RAPGEF4: variants seen among roughly 807,000 people sequenced by gnomAD.
The protein encoded by RAPGEF4 is RAP guanine-nucleotide-exchange factor (GEF) 4.
In RAPGEF4, 66 loss-of-function variants were observed where a neutral mutation model predicts 147.9. The ratio of observed to expected loss-of-function variants is 0.45; its 90% CI spans 0.37 to 0.55. The LOEUF (loss-of-function observed/expected upper bound fraction) is 0.55. Among genes scored for constraint, RAPGEF4 ranks in the 20% least tolerant of loss-of-function variants. RAPGEF4 has a pLI of 0.00. For missense variants in RAPGEF4, 1,071 were observed against 1,257.3 expected, an observed-to-expected ratio of 0.85 and a Z score of 2.24; for synonymous variants, 419 against 442.7, an observed-to-expected ratio of 0.95 and a Z score of 0.67.
chr2:172,792,673 G>A (rs1357551669), intron 1 of RAPGEF4, among the ~76,000 whole-genome samples: 2 of 152,170 alleles, frequency 1.3e-5, no homozygotes, highest in Non-Finnish European at 1.5e-5. Context: ...TGTATCTTAG[G>A]TCTTCCACTT....
chr2:172,783,832 A>G (rs1255467643), intron 1 of RAPGEF4, among the ~76,000 whole-genome samples: 9 of 151,578 alleles, frequency 5.9e-5, no homozygotes, highest in Non-Finnish European at 5.9e-5. Context: ...TCACAGGGAG[A>G]GGAGTTAGGA....
chr2:172,902,603 G>A (rs1162730378), intron 4 of RAPGEF4, among the ~76,000 whole-genome samples: 1 of 152,082 alleles, frequency 6.6e-6, no homozygotes, highest in East Asian at 1.9e-4. Flanking sequence ...CAAACATGTG[G>A]CACCCTAATA....
In RAPGEF4 at chr2:173,020,602, C is replaced by T; in HGVS notation, c.2156-16C>T. 6.2e-7 allele frequency: 1 copy of T among 1,602,222 alleles called. No individual in the cohort carries two copies. Reference sequence around the variant, plus strand: ...GATGTATTTAATAGGCAATCTCATGCTTTTTATGTTCACAGAAAAGGTGGT... The same window carrying T: ...GATGTATTTAATAGGCAATCTCATGTTTTTTATGTTCACAGAAAAGGTGGT... On this transcript the variant is annotated splice_polypyrimidine_tract_variant and intron_variant, in intron 22 of 30. Coordinates refer to ENST00000397081, the MANE Select transcript of RAPGEF4 (RefSeq NM_007023.4).
chr2:172,959,499 G>A (rs1006150375), intron 6 of RAPGEF4, among the ~76,000 whole-genome samples: 1 of 152,168 alleles, frequency 6.6e-6, no homozygotes, highest in African/African-American at 2.4e-5. Context: ...GAAGGTTCTA[G>A]GGATGAGGAC....
chr2:173,018,754 C>G lies in RAPGEF4; in HGVS notation c.2107C>G (p.Leu703Val). ...AGTCATCAGTGCAGTTGCCGACAAG[C>G]TGGGCTCCGGGGAGGGCCTGATCAT... is the stretch of plus-strand genomic sequence containing the variant. ...KEVISAVADK[L>V]GSGEGLIIVK... Residue 703 changes from leucine (L) to valine (V), a missense_variant, in exon 22 of 31, where the codon CTG becomes GTG. Coordinates refer to ENST00000397081, the MANE Select transcript of RAPGEF4 (RefSeq NM_007023.4). 6.2e-7 allele frequency: 1 copy of G among 1,614,070 alleles called. No individual in the cohort carries two copies.
At chr2:172,887,655 C>T (rs2149886716) in intron 4 of RAPGEF4, among the ~76,000 whole-genome samples, 1 of 152,348 alleles carries the variant, frequency 6.6e-6, no homozygotes, top group Middle Eastern at 3.4e-3. Flanking sequence ...GATTTACTCA[C>T]TGGTCCTTGA....
chr2:172,851,162 A>G (rs2149737013), intron 4 of RAPGEF4, among the ~76,000 whole-genome samples: 1 of 152,344 alleles, frequency 6.6e-6, no homozygotes, highest in South Asian at 2.1e-4. Context: ...CGATAGTGTC[A>G]AAGAATTTCT....
intron 16 of RAPGEF4, among the ~76,000 whole-genome samples, chr2:172,997,273 C>T (rs1693464482): frequency 6.6e-6 from 1 of 152,202 alleles, no homozygotes; most frequent in African/African-American, 2.4e-5. Context: ...TGACTCTTCA[C>T]ATAGCCTTCC....
Position 173,005,524 on chromosome 2 carries a change from T to TG in RAPGEF4, c.1658+4180_1658+4181insG, listed in dbSNP as rs1358794247. Among the ~76,000 whole-genome samples, 291 of 132,352 alleles carry TG rather than the reference T, an allele frequency of 2.2e-3. 2 individuals are homozygous for TG. The highest frequency in any genetic ancestry group is 4.2e-3 in the Admixed American group (56 of 13,372). The allele number at this position is 132,352 out of a possible 152,430, so 86.8% of individuals were successfully genotyped here. ...TTGTTGTTGTTGTTGTTTTGTGTTT[T>TG]TTTTTTTTTTTTTTTTTGAGACAGA... On this transcript the variant is annotated intron_variant, in intron 17 of 30. Transcript: ENST00000397081.
Position 172,892,267 on chromosome 2 carries a change from G to A in RAPGEF4, c.445-25535G>A, listed in dbSNP as rs189292744. Reference sequence around the variant, plus strand: ...CCCTATTAAGCACTTTCTTTTCATCGATTAATGGATTGTGTTTTGGAATCA... The same window carrying A: ...CCCTATTAAGCACTTTCTTTTCATCAATTAATGGATTGTGTTTTGGAATCA... On this transcript the variant is annotated intron_variant, in intron 4 of 30. Coordinates refer to ENST00000397081, the MANE Select transcript of RAPGEF4 (RefSeq NM_007023.4). Among the ~76,000 whole-genome samples, 41 of 152,232 alleles carry A rather than the reference G, an allele frequency of 2.7e-4. No homozygotes were observed. In the East Asian group the frequency reaches 3.3e-3, roughly 12 times the overall value.
chr2:172,922,217 A>G, intron 5 of RAPGEF4, 64 bp from the exon 6 acceptor site: 1 of 1,524,896 alleles, frequency 6.6e-7, no homozygotes, highest in Non-Finnish European at 9.1e-7. Flanking sequence ...GCAAAATTTC[A>G]ATTCCACTTT....
At chr2:173,013,438 G>A (rs559404984) in intron 17 of RAPGEF4, among the ~76,000 whole-genome samples, 1 of 152,310 alleles carries the variant, frequency 6.6e-6, no homozygotes, top group South Asian at 2.1e-4. Context: ...TCATCACAAG[G>A]CTATAAAGTG....
chr2:172,999,764 G>A (rs11685193), intron 16 of RAPGEF4, among the ~76,000 whole-genome samples: 53,736 of 152,058 alleles, frequency 0.35, 10,478 homozygotes, highest in East Asian at 0.79. Flanking sequence ...TAAGTGATGA[G>A]TGTAATCCCA....
At chr2:172,820,210 T>C (rs777436292) in intron 4 of RAPGEF4, among the ~76,000 whole-genome samples, 1 of 152,148 alleles carries the variant, frequency 6.6e-6, no homozygotes, top group Non-Finnish European at 1.5e-5. Context: ...ATTAGAGAGG[T>C]GCTCTTGGTT....
At chr2:172,839,369 T>A (rs978806173) in intron 4 of RAPGEF4, among the ~76,000 whole-genome samples, 2 of 152,192 alleles carry the variant, frequency 1.3e-5, no homozygotes, top group Admixed American at 6.5e-5. Flanking sequence ...TTTGCCCATA[T>A]TTATGGTTAT....
chr2:172,775,400 C>G (rs1684064464), intron 1 of RAPGEF4, among the ~76,000 whole-genome samples: 1 of 152,174 alleles, frequency 6.6e-6, no homozygotes, highest in Non-Finnish European at 1.5e-5. Flanking sequence ...ATTCTGATCT[C>G]TATGAAAACT....
intron 3 of RAPGEF4, among the ~76,000 whole-genome samples, chr2:172,811,061 G>A (rs1332588596): frequency 1.3e-5 from 2 of 152,238 alleles, no homozygotes; most frequent in Admixed American, 1.3e-4. Flanking sequence ...CACTCCTTCA[G>A]GGGGCCTGCT....
At chr2:172,903,425 C>A (rs1373131333) in intron 4 of RAPGEF4, among the ~76,000 whole-genome samples, 6 of 148,960 alleles carry the variant, frequency 4.0e-5, no homozygotes, top group African/African-American at 1.5e-4. Flanking sequence ...GTAATCCCAG[C>A]TACTCAGAAG....
chr2:172,861,688 G>A (rs1413174728), intron 4 of RAPGEF4, among the ~76,000 whole-genome samples: 2 of 152,202 alleles, frequency 1.3e-5, no homozygotes, highest in Admixed American at 1.3e-4. Context: ...TGTTGATAGA[G>A]CAGGCATGTG....
Sources: allele counts gnomAD v4.1 joint callset (sites outside exome capture counted in the v4.1 genomes callset), GRCh38; gene constraint gnomAD v4.1.1; transcripts MANE v1.5; gene names NCBI Gene and HGNC (gene_info 2026-07-23, HGNC 2026-07-21).